The following PALLD variants were observed in gnomAD, a reference collection of about 807,000 sequenced individuals.
The protein encoded by PALLD is palladin.
In PALLD, 61 loss-of-function variants were observed where a neutral mutation model predicts 123.5. The observed-to-expected ratio is 0.49, with a 90% confidence interval of 0.40 to 0.61. PALLD has a LOEUF of 0.61. Among genes scored for constraint, PALLD ranks in the 20% least tolerant of loss-of-function variants. The pLI is 0.00. For missense variants in PALLD, 1,273 were observed against 1,377.0 expected, an observed-to-expected ratio of 0.92 and a Z score of 1.20; for synonymous variants, 465 against 496.4, an observed-to-expected ratio of 0.94 and a Z score of 0.84.
intron 2 of PALLD, among the ~76,000 whole-genome samples, chr4:168,549,452 T>A (rs1766503910): frequency 6.6e-6 from 1 of 152,218 alleles, no homozygotes; most frequent in Non-Finnish European, 1.5e-5. Context: ...ACTCATTTGA[T>A]ATAATGTCAA....
chr4:168,549,904 T>C (rs1766554757), intron 2 of PALLD, among the ~76,000 whole-genome samples: 1 of 152,176 alleles, frequency 6.6e-6, no homozygotes, highest in African/African-American at 2.4e-5. Context: ...ATCCCCAAAA[T>C]GAAGAAGTTT....
At chr4:168,571,997 C>T (rs796080838) in intron 2 of PALLD, among the ~76,000 whole-genome samples, 24 of 152,220 alleles carry the variant, frequency 1.6e-4, no homozygotes, top group African/African-American at 5.8e-4. Context: ...GAGGCCGAGG[C>T]GGATGAATCT....
At chr4:168,755,334 G>C (rs1235717432) in intron 10 of PALLD, among the ~76,000 whole-genome samples, 3 of 152,068 alleles carry the variant, frequency 2.0e-5, no homozygotes, top group Non-Finnish European at 4.4e-5. Flanking sequence ...AATATGGGCA[G>C]GGACTTGAAT....
Position 168,578,955 on chromosome 4 carries a change from G to A in PALLD, c.908+66543G>A, listed in dbSNP as rs4692666. On this transcript the variant is annotated intron_variant, in intron 2 of 21. Transcript: ENST00000505667. Reference sequence around the variant, plus strand: ...TGTAAAATTCCAGTTTGTGTGCTCTGTATGTGTCAATTTCTAGTTTTAACC... The same window carrying A: ...TGTAAAATTCCAGTTTGTGTGCTCTATATGTGTCAATTTCTAGTTTTAACC... Among the ~76,000 whole-genome samples the A allele has an allele frequency of 2.3e-3, 344 of 152,192 alleles. 2 individuals are homozygous for A. The highest frequency in any genetic ancestry group is 4.1e-3 in the South Asian group (20 of 4,822).
At chr4:168,597,818 C>T (rs1411851509) in intron 2 of PALLD, among the ~76,000 whole-genome samples, 1 of 152,058 alleles carries the variant, frequency 6.6e-6, no homozygotes, top group Non-Finnish European at 1.5e-5. Context: ...AAGTTGGTTG[C>T]TATGTAACCA....
At chr4:168,784,494 C>T (rs1736403556) in intron 10 of PALLD, among the ~76,000 whole-genome samples, 1 of 152,160 alleles carries the variant, frequency 6.6e-6, no homozygotes, top group Non-Finnish European at 1.5e-5. Flanking sequence ...GGTACTGGTG[C>T]CCAAGTGGAG....
intron 14 of PALLD, among the ~76,000 whole-genome samples, 165 bp downstream of exon 14, chr4:168,898,879 AT>A (rs1755838699): frequency 6.6e-6 from 1 of 152,236 alleles, no homozygotes; most frequent in Admixed American, 6.5e-5. Flanking sequence ...TTCAGGAGGC[AT>A]TAGAAACCAA....
intron 10 of PALLD, among the ~76,000 whole-genome samples, chr4:168,738,136 GA>G (rs200530241): frequency 0.024 from 3,618 of 152,260 alleles, 126 homozygotes; most frequent in African/African-American, 0.073. Flanking sequence ...AAACTGATGT[GA>G]AAAAGGAGAA....
intron 16 of PALLD, among the ~76,000 whole-genome samples, chr4:168,914,663 T>A (rs987302750): frequency 2.0e-5 from 3 of 152,202 alleles, no homozygotes. Context: ...TTAAAAAAAA[T>A]TCAGTAAGTC....
At chr4:168,645,173 A>C (rs529931179) in intron 2 of PALLD, among the ~76,000 whole-genome samples, 1 of 152,238 alleles carries the variant, frequency 6.6e-6, no homozygotes, top group Admixed American at 6.5e-5. Flanking sequence ...TCAGTATTCA[A>C]ATTATGTAGC....
chr4:168,913,149 T>C (rs912881668), intron 15 of PALLD, among the ~76,000 whole-genome samples: 5 of 151,074 alleles, frequency 3.3e-5, no homozygotes, highest in African/African-American at 1.2e-4. Context: ...TTTTTTTTTT[T>C]TTTTTGAGAC....
At chr4:168,670,076 T>TA (rs1376050918) in intron 3 of PALLD, among the ~76,000 whole-genome samples, 2 of 152,196 alleles carry the variant, frequency 1.3e-5, no homozygotes, top group African/African-American at 4.8e-5. Context: ...AGGGGTGGGT[T>TA]ATGTAGCAAA....
intron 2 of PALLD, among the ~76,000 whole-genome samples, chr4:168,588,488 G>T (rs568382975): frequency 6.6e-6 from 1 of 151,894 alleles, no homozygotes; most frequent in Admixed American, 6.6e-5. Flanking sequence ...TTCATCCTCC[G>T]CCTCCTGGGT....
At chr4:168,615,092 T>C (rs766767488) in intron 2 of PALLD, among the ~76,000 whole-genome samples, 14 of 151,986 alleles carry the variant, frequency 9.2e-5, no homozygotes, top group Non-Finnish European at 5.9e-5. Flanking sequence ...GTATACAGGG[T>C]TTAGCTCATA....
chr4:168,538,313 T>G (rs1160261886), intron 2 of PALLD, among the ~76,000 whole-genome samples: 3 of 152,160 alleles, frequency 2.0e-5, no homozygotes, highest in Admixed American at 2.0e-4. Context: ...ATAAAATGTT[T>G]TAAAGGCTTT....
intron 2 of PALLD, among the ~76,000 whole-genome samples, chr4:168,588,946 T>C (rs1327891131): frequency 2.0e-5 from 3 of 152,218 alleles, no homozygotes; most frequent in Admixed American, 1.3e-4. Context: ...CTGAGTCAAT[T>C]TGTGGAAATT....
chr4:168,736,253 C>T (rs1016024868), intron 10 of PALLD, among the ~76,000 whole-genome samples: 4 of 152,218 alleles, frequency 2.6e-5, no homozygotes, highest in African/African-American at 9.6e-5. Context: ...GGTATGTATA[C>T]ATACTTAGAA....
rs139648461 is a variant in PALLD at position 168,526,199 on chromosome 4, G to A, written c.908+13787G>A. Among the ~76,000 whole-genome samples, 646 of 152,242 alleles carry A rather than the reference G, an allele frequency of 4.2e-3. 1 individual carries two copies. The highest frequency in any genetic ancestry group is 7.9e-3 in the Non-Finnish European group (535 of 68,000). ...GCCAGCTCTTAGCTACCTGCAATTC[G>A]GAACGTACTATTTGGTTTCAGCAGT... On this transcript the variant is annotated intron_variant, in intron 2 of 21. Transcript: ENST00000505667.
chr4:168,795,277 T>A (rs980251150), intron 10 of PALLD, among the ~76,000 whole-genome samples: 3 of 152,200 alleles, frequency 2.0e-5, no homozygotes, highest in Non-Finnish European at 1.5e-5. Context: ...CCTGTCAGTG[T>A]TTTTGGTAAC....
Sources: gnomAD v4.1 joint callset for allele counts (sites outside exome capture counted in the v4.1 genomes callset) on GRCh38, gnomAD v4.1.1 for gene constraint, MANE v1.5 for transcripts, NCBI Gene and HGNC (gene_info 2026-07-23, HGNC 2026-07-21) for gene names.